DOCK4: variants seen among roughly 807,000 people sequenced by gnomAD.
The protein encoded by DOCK4 is dedicator of cytokinesis 4, also known as dedicator of cytokinesis protein 4.
Under a neutral mutation model 268.1 loss-of-function variants are expected in DOCK4, and 97 were observed. The observed-to-expected ratio is 0.36, with a 90% CI of 0.31 to 0.43. The LOEUF is 0.43. DOCK4 is among the 20% of genes least tolerant of loss of function. The pLI is 1.00. For synonymous variants in DOCK4, 954 were observed against 887.2 expected, an observed-to-expected ratio of 1.08 and a Z score of -1.34; for missense variants, 2,145 against 2,455.7, an observed-to-expected ratio of 0.87 and a Z score of 2.67.
At chr7:111,750,562 C>T (rs562969967) in intron 42 of DOCK4, among the ~76,000 whole-genome samples, 1 of 152,090 alleles carries the variant, frequency 6.6e-6, no homozygotes, top group Admixed American at 6.5e-5. Context: ...ACCTATAATT[C>T]TGAATTATTA....
intron 1 of DOCK4, among the ~76,000 whole-genome samples, chr7:112,018,045 C>T (rs527349251): frequency 3.9e-4 from 57 of 145,370 alleles, no homozygotes; most frequent in Admixed American, 3.2e-3. Flanking sequence ...AAAAATTAGC[C>T]GGGCATGGTG....
chr7:112,117,788 C>T (rs968801952), intron 1 of DOCK4, among the ~76,000 whole-genome samples: 1 of 152,156 alleles, frequency 6.6e-6, no homozygotes, highest in Non-Finnish European at 1.5e-5. Flanking sequence ...TTTAGGAGAG[C>T]AGCATTCGTG....
intron 35 of DOCK4, 52 bp from the exon 36 acceptor site, chr7:111,778,421 A>G: frequency 8.4e-7 from 1 of 1,190,570 alleles, no homozygotes; most frequent in Non-Finnish European, 1.2e-6. Flanking sequence ...CTGGCCTACA[A>G]TTATCTGCCT....
chr7:111,961,005 T>A (rs1266768072), intron 8 of DOCK4, among the ~76,000 whole-genome samples: 1 of 152,192 alleles, frequency 6.6e-6, no homozygotes, highest in East Asian at 1.9e-4. Context: ...TGCAGATATC[T>A]CTTGCACACA....
intron 31 of DOCK4, chr7:111,789,090 A>T: frequency 3.2e-6 from 1 of 314,830 alleles, no homozygotes; most frequent in Non-Finnish European, 6.1e-6. Flanking sequence ...TCTTTTTTTT[A>T]AACATCACTA....
intron 42 of DOCK4, among the ~76,000 whole-genome samples, chr7:111,754,319 A>T (rs1796884980): frequency 6.6e-6 from 1 of 152,216 alleles, no homozygotes; most frequent in Admixed American, 6.5e-5. Flanking sequence ...TCCTTAGCTT[A>T]ATTGAACATG....
Position 111,760,263 on chromosome 7 carries a change from T to G in DOCK4, c.4080A>C (p.Arg1360Ser). ...TGGCATGGGGGAACTCGTTCAGCATTCTCTGTTGGAAGGCTTCCAGCCTCT... is the reference window on the plus strand; with the variant it reads ...TGGCATGGGGGAACTCGTTCAGCATGCTCTGTTGGAAGGCTTCCAGCCTCT... ...DYERLEAFQQ[R>S]MLNEFPHAIA... Residue 1360 changes from arginine (R) to serine (S), a missense_variant, in exon 40 of 53, where the codon AGA (arginine) becomes AGC (serine). Physicochemically the swap from Arg to Ser is moderately radical, Grantham distance 110 (BLOSUM62 -1). This residue lies in a region of DOCK4 where 1,598 missense variants were observed against 1,986.7 expected (regional missense o/e 0.80). Coordinates refer to ENST00000428084, the MANE Select transcript of DOCK4 (RefSeq NM_001363540.2). The G allele has an allele frequency of 6.2e-7, 1 of 1,613,972 alleles. No individual in the cohort carries two copies. Among genetic ancestry groups the G allele is most frequent in the Non-Finnish European group, 8.5e-7 (1 of 1,179,886 alleles).
At chr7:112,082,762 C>T (rs904312478) in intron 1 of DOCK4, among the ~76,000 whole-genome samples, 3 of 152,230 alleles carry the variant, frequency 2.0e-5, no homozygotes, top group South Asian at 4.1e-4. Flanking sequence ...CTAATCACCA[C>T]AGTACTTGCT....
In DOCK4 at chr7:111,904,913, C is replaced by T. The variant is rs141274942; in HGVS notation, c.1193-3112G>A. Among the ~76,000 whole-genome samples the T allele has an allele frequency of 9.2e-5, 14 of 152,298 alleles. No homozygotes were observed. In the East Asian group the frequency reaches 2.3e-3, roughly 25 times the overall value. ...CGTTCACAAAATCAAACCCCTCATA[C>T]GTATGCTTTAATTTTCCATTCTTTA... On this transcript the variant is annotated intron_variant, in intron 13 of 52. Coordinates refer to ENST00000428084, the MANE Select transcript of DOCK4 (RefSeq NM_001363540.2).
At chr7:111,789,138 A>C in intron 31 of DOCK4, 1 of 210,998 alleles carries the variant, frequency 4.7e-6, no homozygotes, top group Non-Finnish European at 9.8e-6. Flanking sequence ...ATCCACATAC[A>C]TTAATTTAAA....
In DOCK4 at chr7:111,976,224, G is replaced by A. The variant is rs1258317217; in HGVS notation, c.701+908C>T. ...CGCACATATGTGTGTGTGTGTGTGC[G>A]TGTGTGTGTATATATATGTGTATAT... is the stretch of plus-strand genomic sequence containing the variant. On this transcript the variant is annotated intron_variant, in intron 8 of 52. Transcript: ENST00000428084. Among the ~76,000 whole-genome samples, 29 of 104,520 alleles carry A rather than the reference G, an allele frequency of 2.8e-4. 1 individual carries two copies. The highest frequency in any genetic ancestry group is 4.6e-4 in the Non-Finnish European group (23 of 50,192). The allele number at this position is 104,520 out of a possible 152,430, so 68.6% of individuals were successfully genotyped here.
chr7:111,883,955 G>A (rs1807632627), intron 16 of DOCK4, among the ~76,000 whole-genome samples: 1 of 152,116 alleles, frequency 6.6e-6, no homozygotes, highest in Non-Finnish European at 1.5e-5. Flanking sequence ...TAAGAGAGAT[G>A]GGGGTAGCAG....
intron 46 of DOCK4, 135 bp downstream of exon 46, chr7:111,741,405 G>T: frequency 7.1e-7 from 1 of 1,414,844 alleles, no homozygotes; most frequent in Non-Finnish European, 9.6e-7. Flanking sequence ...GCAGAGGTCT[G>T]CAGCTGCCTC....
intron 26 of DOCK4, among the ~76,000 whole-genome samples, chr7:111,823,191 C>A (rs1410565501): frequency 1.4e-5 from 2 of 147,304 alleles, no homozygotes; most frequent in African/African-American, 5.1e-5. Flanking sequence ...TATCATCAGA[C>A]ATGGAAATAT....
Position 111,778,386 on chromosome 7 carries a change from C to T in DOCK4, c.3586-17G>A. The T allele has an allele frequency of 6.5e-7, 1 of 1,535,624 alleles. No homozygotes were observed. Among genetic ancestry groups the T allele is most frequent in the South Asian group, 1.1e-5 (1 of 89,266 alleles). On this transcript the variant is annotated splice_polypyrimidine_tract_variant and intron_variant, in intron 35 of 52. Transcript: ENST00000428084. ...ATAGAAGTTCTGTAAAAAAAGAGTA[C>T]AGGTATGGATAGTTCCTCAACAATC...
chr7:112,043,601 T>C (rs2135519210), intron 1 of DOCK4, among the ~76,000 whole-genome samples: 1 of 151,988 alleles, frequency 6.6e-6, no homozygotes, highest in South Asian at 2.1e-4. Context: ...CAGAAAGCAA[T>C]CAATTAAAAG....
intron 28 of DOCK4, among the ~76,000 whole-genome samples, chr7:111,811,260 G>A (rs917266957): frequency 6.6e-6 from 1 of 151,914 alleles, no homozygotes; most frequent in Non-Finnish European, 1.5e-5. Context: ...TGTTTAATAT[G>A]AAATATGTTA....
chr7:111,824,143 G>T (rs1268533671), intron 26 of DOCK4, among the ~76,000 whole-genome samples: 1 of 152,010 alleles, frequency 6.6e-6, no homozygotes, highest in Non-Finnish European at 1.5e-5. Flanking sequence ...GTATTTCACT[G>T]TAGGTCACAT....
chr7:111,972,866 T>G (rs1008109273), intron 8 of DOCK4, among the ~76,000 whole-genome samples: 4 of 151,824 alleles, frequency 2.6e-5, no homozygotes, highest in African/African-American at 9.7e-5. Context: ...TTAGTAGTGA[T>G]TTCTGAGATT....
Sources: allele counts gnomAD v4.1 joint callset (sites outside exome capture counted in the v4.1 genomes callset), GRCh38; gene constraint gnomAD v4.1.1; regional missense constraint gnomAD v4.1.1; transcripts MANE v1.5; gene names NCBI Gene and HGNC (gene_info 2026-07-23, HGNC 2026-07-21).